NDUFAF2: variants seen among roughly 807,000 people sequenced by gnomAD.
The protein encoded by NDUFAF2 is NADH:ubiquinone oxidoreductase complex assembly factor 2, also known as NADH dehydrogenase [ubiquinone] 1 alpha subcomplex assembly factor 2.
A neutral mutation model predicts 22.8 loss-of-function variants in NDUFAF2; 13 were observed. The observed-to-expected ratio is 0.57, with a 90% CI of 0.37 to 0.91. The LOEUF is 0.91. Ranked by LOEUF, NDUFAF2 falls within the 40% of genes least tolerant of loss-of-function variation. The pLI is 0.01. For missense variants in NDUFAF2, 162 were observed against 195.2 expected (o/e 0.83, Z 1.01); for synonymous variants, 53 against 64.2 (o/e 0.83, Z 0.84).
chr5:60,998,093 A>G (rs574190751), intron 1 of NDUFAF2, among the ~76,000 whole-genome samples: 1 of 152,324 alleles, frequency 6.6e-6, no homozygotes, highest in Non-Finnish European at 1.5e-5. Context: ...TGAAATTTGT[A>G]GGTACTGTTT....
At chr5:60,948,678 C>A (rs1750498814) in intron 1 of NDUFAF2, among the ~76,000 whole-genome samples, 1 of 151,448 alleles carries the variant, frequency 6.6e-6, no homozygotes, top group African/African-American at 2.4e-5. Flanking sequence ...TATGTATATA[C>A]CATAATTTGT....
intron 1 of NDUFAF2, among the ~76,000 whole-genome samples, chr5:61,062,845 T>TAA (rs1310507572): frequency 6.6e-6 from 1 of 152,174 alleles, no homozygotes; most frequent in African/African-American, 2.4e-5. Context: ...TCCATTAGAC[T>TAA]GTCAGCAGAT....
At chr5:60,973,182 T>A (rs1042460964) in intron 1 of NDUFAF2, among the ~76,000 whole-genome samples, 7 of 152,194 alleles carry the variant, frequency 4.6e-5, no homozygotes, top group Non-Finnish European at 8.8e-5. Context: ...TTGCTAAAGT[T>A]GCCCCAGTTA....
chr5:61,072,263 A>G (rs1262779695), intron 1 of NDUFAF2, among the ~76,000 whole-genome samples: 1 of 152,136 alleles, frequency 6.6e-6, no homozygotes, highest in Non-Finnish European at 1.5e-5. Flanking sequence ...AACCAAACCA[A>G]TGACCAGTTT....
At chr5:61,101,716 T>G (rs1752707441) in intron 3 of NDUFAF2, among the ~76,000 whole-genome samples, 2 of 152,136 alleles carry the variant, frequency 1.3e-5, no homozygotes, top group South Asian at 4.1e-4. Flanking sequence ...GCCATTAGAA[T>G]GTCATTTACA....
At chr5:61,091,306 A>G (rs908284404) in intron 2 of NDUFAF2, among the ~76,000 whole-genome samples, 4 of 152,132 alleles carry the variant, frequency 2.6e-5, no homozygotes, top group African/African-American at 9.7e-5. Context: ...CCCACCAACA[A>G]TGTATAGCAT....
At chr5:61,049,886 T>TACACACACACACACAC (rs70977822) in intron 1 of NDUFAF2, among the ~76,000 whole-genome samples, 30 of 144,338 alleles carry the variant, frequency 2.1e-4, no homozygotes, top group African/African-American at 4.9e-4. Flanking sequence ...ATTTAAATTA[T>TACACACACACACACAC]ACACACACAC....
At position 60,992,687 on chromosome 5, in the gene NDUFAF2, T is replaced by C. The variant is rs113203993; in HGVS notation, c.127+47305T>C. Among the ~76,000 whole-genome samples, 88 of 152,336 alleles carry C rather than the reference T, an allele frequency of 5.8e-4. 1 individual carries two copies. The highest frequency in any genetic ancestry group is 2.0e-3 in the African/African-American group (84 of 41,574). On this transcript the variant is annotated intron_variant, in intron 1 of 3. Coordinates refer to ENST00000296597, the MANE Select transcript of NDUFAF2 (RefSeq NM_174889.5). ...TGTCCTTTTTGATAGAAGTATTCCC[T>C]TTAGCATTTCTTGTAGGAAGCTCTG...
intron 1 of NDUFAF2, among the ~76,000 whole-genome samples, chr5:61,070,655 A>C (rs1354915499): frequency 6.6e-6 from 1 of 151,640 alleles, no homozygotes; most frequent in African/African-American, 2.4e-5. Flanking sequence ...AAATAGGCAT[A>C]ACTTTTGATT....
intron 2 of NDUFAF2, among the ~76,000 whole-genome samples, chr5:61,094,562 G>A (rs1172995639): frequency 6.6e-6 from 1 of 152,216 alleles, no homozygotes; most frequent in African/African-American, 2.4e-5. Context: ...GAGGAAAGAG[G>A]CCACTCTGGC....
intron 3 of NDUFAF2, among the ~76,000 whole-genome samples, chr5:61,108,491 A>C (rs555529874): frequency 6.6e-6 from 1 of 151,524 alleles, no homozygotes; most frequent in East Asian, 1.9e-4. Context: ...ACTTCTCAAA[A>C]GAAGACATTT....
intron 1 of NDUFAF2, among the ~76,000 whole-genome samples, chr5:61,043,252 G>C (rs1751905503): frequency 6.6e-6 from 1 of 152,066 alleles, no homozygotes; most frequent in Admixed American, 6.6e-5. Context: ...TCAGTGGTTA[G>C]AGGGACAGAG....
chr5:60,992,175 T>C (rs1751167204), intron 1 of NDUFAF2, among the ~76,000 whole-genome samples: 1 of 152,230 alleles, frequency 6.6e-6, no homozygotes, highest in Non-Finnish European at 1.5e-5. Flanking sequence ...GTTTGAGCTC[T>C]TCATATATAC....
intron 1 of NDUFAF2, among the ~76,000 whole-genome samples, chr5:61,003,666 T>A (rs1580089572): frequency 7.4e-6 from 1 of 135,484 alleles, no homozygotes; most frequent in Admixed American, 7.6e-5. Context: ...TTTTTTTTTT[T>A]AAGAGACAGG....
At chr5:60,986,826 G>A (rs1481552266) in intron 1 of NDUFAF2, among the ~76,000 whole-genome samples, 1 of 151,842 alleles carries the variant, frequency 6.6e-6, no homozygotes, top group East Asian at 1.9e-4. Flanking sequence ...CAGCTATTCA[G>A]GAGGCTGAGG....
intron 2 of NDUFAF2, among the ~76,000 whole-genome samples, chr5:61,080,347 A>G (rs1455616482): frequency 6.6e-6 from 1 of 152,218 alleles, no homozygotes; most frequent in African/African-American, 2.4e-5. Context: ...ATTTGATTTT[A>G]TAAAAAACTG....
At chr5:61,124,290 T>A (rs1753009362) in intron 3 of NDUFAF2, among the ~76,000 whole-genome samples, 1 of 152,052 alleles carries the variant, frequency 6.6e-6, no homozygotes, top group South Asian at 2.1e-4. Flanking sequence ...TTAACATGAT[T>A]GTTTATATAA....
chr5:60,968,998 A>G (rs1418939335), intron 1 of NDUFAF2, among the ~76,000 whole-genome samples: 3 of 152,136 alleles, frequency 2.0e-5, no homozygotes, highest in African/African-American at 4.8e-5. Flanking sequence ...TCCACTTTGC[A>G]TAATGACCTC....
chr5:61,128,862 A>G (rs1753070636), intron 3 of NDUFAF2, among the ~76,000 whole-genome samples: 1 of 152,188 alleles, frequency 6.6e-6, no homozygotes, highest in Non-Finnish European at 1.5e-5. Context: ...GTGAACAGGC[A>G]ACCTACAGAA....
Sources: gnomAD v4.1 joint callset for allele counts (sites outside exome capture counted in the v4.1 genomes callset) on GRCh38, gnomAD v4.1.1 for gene constraint, MANE v1.5 for transcripts, NCBI Gene and HGNC (gene_info 2026-07-23, HGNC 2026-07-21) for gene names.